The following DCAF1 variants were observed in gnomAD, a reference collection of about 807,000 sequenced individuals.
DCAF1 encodes DDB1- and CUL4-associated factor 1.
DCAF1 carries 15 observed loss-of-function variants against 128.0 expected under a neutral mutation model. That is an observed-to-expected ratio of 0.12 (90% CI 0.08 to 0.18). The LOEUF (loss-of-function observed/expected upper bound fraction) is 0.18. DCAF1 is among the 10% of genes least tolerant of loss of function. The pLI is 1.00. For synonymous variants in DCAF1, 610 were observed against 603.0 expected (o/e 1.01, Z -0.17); for missense variants, 988 against 1,649.5 (o/e 0.60, Z 6.95).
intron 6 of DCAF1, among the ~76,000 whole-genome samples, chr3:51,462,080 AAAAAG>A (rs1259689868): frequency 1.3e-5 from 2 of 151,988 alleles, no homozygotes; most frequent in Admixed American, 6.6e-5. Flanking sequence ...AAATTAAAAA[AAAAAG>A]AAAAGAAAAA....
intron 9 of DCAF1, among the ~76,000 whole-genome samples, chr3:51,435,711 C>CAAA (rs879994512): frequency 2.1e-5 from 3 of 140,796 alleles, no homozygotes; most frequent in Non-Finnish European, 1.5e-5. Context: ...AACTCTGTCT[C>CAAA]AAAAAAAAAA....
chr3:51,499,989 A>AC lies in DCAF1; in HGVS notation c.-173dup. 1 of 147,086 alleles carries AC rather than the reference A, an allele frequency of 6.8e-6. No individual in the cohort carries two copies. The highest frequency in any genetic ancestry group is 1.5e-5 in the Non-Finnish European group (1 of 66,956). The allele number at this position is 147,086 out of a possible 1,614,324, so 9.1% of individuals were successfully genotyped here. A position where few individuals can be genotyped will look rare whatever the true frequency, so the allele number is the denominator to read the frequency against. ...ACTCACACACACACACAGCGCGACC[A>AC]CGGCTCCACAGCGGCCCACATATTA... On this transcript the variant is annotated 5_prime_UTR_variant, in exon 1 of 25. The change abolishes the stop of an existing upstream ORF in the 5' untranslated region. Coordinates refer to ENST00000684031, the MANE Select transcript of DCAF1 (RefSeq NM_001387579.1).
At chr3:51,424,751 T>A (rs1285283092) in intron 13 of DCAF1, among the ~76,000 whole-genome samples, 1 of 152,170 alleles carries the variant, frequency 6.6e-6, no homozygotes, top group Non-Finnish European at 1.5e-5. Flanking sequence ...AAAGATGAAC[T>A]TAGGAAAATA....
In DCAF1 at chr3:51,420,149, C is replaced by A. The variant is rs1553631943; in HGVS notation, c.2821G>T (p.Ala941Ser). The change falls in exon 15 of 25, where the codon GCT (alanine) becomes TCT (serine). Residue 941 changes from alanine to serine, a missense_variant. Physicochemically the swap from Ala to Ser is moderately conservative, Grantham distance 99 (BLOSUM62 1). Coordinates refer to ENST00000684031, the MANE Select transcript of DCAF1 (RefSeq NM_001387579.1). This position sits in a 1 kb window ranked among gnomAD's most constrained non-coding sequence, Gnocchi z 6.5. ...PQPRPPQGPL[A>S]LPGPSYAGNS... ...CCTGCATAAGATGGGCCGGGCAGAGCTAGCGGACCCTGGGGGGGCCGTGGC... is the reference window on the plus strand; with the variant it reads ...CCTGCATAAGATGGGCCGGGCAGAGATAGCGGACCCTGGGGGGGCCGTGGC... 1.2e-6 allele frequency: 2 copies of A among 1,614,022 alleles called. No homozygotes were observed. Among genetic ancestry groups the A allele is most frequent in the African/African-American group, 1.3e-5 (1 of 75,052 alleles).
In DCAF1 at chr3:51,471,004, T is replaced by C; in HGVS notation, c.112A>G (p.Met38Val). 1 of 1,600,054 alleles carries C rather than the reference T, an allele frequency of 6.2e-7. No homozygotes were observed. Among genetic ancestry groups the C allele is most frequent in the Non-Finnish European group, 8.5e-7 (1 of 1,170,924 alleles). The change falls in exon 4 of 25, where the codon ATG becomes GTG. Residue 38 changes from methionine (M) to valine (V), a missense_variant and splice_region_variant. Met to Val is a conservative substitution (Grantham distance 21). Transcript: ENST00000684031. ...GTTTCTTTTTCAATCAATTGAGACA[T>C]CCTAGCACAAAGGAAACAAGGGGTC... ...GQDMVPILTR[M>V]SQLIEKETEE...
intron 15 of DCAF1, 59 bp downstream of exon 15, chr3:51,419,675 T>A: frequency 6.5e-6 from 10 of 1,534,242 alleles, no homozygotes; most frequent in Admixed American, 2.1e-5. Context: ...ACTGCCCAGT[T>A]TGATTTAAAT....
chr3:51,471,989 G>A (rs1408591869), intron 3 of DCAF1, among the ~76,000 whole-genome samples: 1 of 152,014 alleles, frequency 6.6e-6, no homozygotes, highest in Non-Finnish European at 1.5e-5. Context: ...TCCTCATCCA[G>A]ACCACCATCA....
chr3:51,427,315 A>T (rs766565799), intron 13 of DCAF1, 57 bp downstream of exon 13: 14 of 645,036 alleles, frequency 2.2e-5, no homozygotes, highest in Non-Finnish European at 3.4e-5. Context: ...GCAAACCAAC[A>T]TCAACTTTAA....
chr3:51,485,718 A>G (rs368078554), intron 2 of DCAF1, among the ~76,000 whole-genome samples: 86 of 152,346 alleles, frequency 5.6e-4, no homozygotes, highest in African/African-American at 2.0e-3. Flanking sequence ...AGATGATATC[A>G]TTATTGCATT....
At chr3:51,448,951 C>T (rs1490778332) in intron 6 of DCAF1, among the ~76,000 whole-genome samples, 1 of 151,738 alleles carries the variant, frequency 6.6e-6, no homozygotes, top group Non-Finnish European at 1.5e-5. Flanking sequence ...ATATGTTAGG[C>T]CACAAGTCTT....
chr3:51,427,350 T>C (rs782580188), intron 13 of DCAF1, 22 bp downstream of exon 13: 3 of 672,208 alleles, frequency 4.5e-6, no homozygotes, highest in Non-Finnish European at 8.3e-6. Flanking sequence ...AAACTTCATT[T>C]GAAATCTCTC....
intron 2 of DCAF1, among the ~76,000 whole-genome samples, chr3:51,488,430 C>A (rs1707223475): frequency 6.6e-6 from 1 of 152,148 alleles, no homozygotes; most frequent in South Asian, 2.1e-4. Flanking sequence ...GTAATCCCAG[C>A]ACTTTGGGAG....
rs2107347539 is a variant in DCAF1, at chr3:51,420,398, G to A, written c.2572C>T (p.Leu858Phe). The A allele has an allele frequency of 3.7e-6, 6 of 1,614,050 alleles. No homozygotes were observed. Among genetic ancestry groups the A allele is most frequent in the South Asian group, 2.2e-5 (2 of 91,078 alleles). ...KELLLLIRNH[L>F]ISKGLGETAT... is the part of the protein sequence containing the mutation. ...GTTTCTCCAAGCCCTTTAGAAATAA[G>A]ATGGTTTCGTATCAACAAAAGCAGC... The change falls in exon 15 of 25, where the codon CTT becomes TTT. Residue 858 changes from leucine (L) to phenylalanine (F), a missense_variant. Leu to Phe is a conservative substitution (Grantham distance 22). This residue lies in a region of DCAF1 where 76 missense variants were observed against 186.9 expected (regional missense o/e 0.41). Coordinates refer to ENST00000684031, the MANE Select transcript of DCAF1 (RefSeq NM_001387579.1). The surrounding 1 kb of genome is among the most constrained non-coding windows in gnomAD (Gnocchi z 6.5).
chr3:51,468,178 T>C (rs571062178), intron 4 of DCAF1, among the ~76,000 whole-genome samples: 3 of 152,210 alleles, frequency 2.0e-5, no homozygotes, highest in Non-Finnish European at 4.4e-5. Flanking sequence ...TGGTTTGTTG[T>C]TGTTGTGTTC....
At chr3:51,490,324 G>A (rs1367219206) in intron 2 of DCAF1, among the ~76,000 whole-genome samples, 4 of 152,204 alleles carry the variant, frequency 2.6e-5, no homozygotes, top group African/African-American at 4.8e-5. Flanking sequence ...CCAGCTACTC[G>A]GTAGGCTGAG....
Position 51,436,558 on chromosome 3 carries a change from A to C in DCAF1, c.1129-3294T>G, listed in dbSNP as rs150297531. The C allele has an allele frequency of 1.1e-5, 4 of 378,636 alleles. No individual in the cohort carries two copies. In the East Asian group the frequency reaches 2.9e-4, roughly 27 times the overall value. The allele number at this position is 378,636 out of a possible 1,614,324, so 23.5% of individuals were successfully genotyped here. A position where few individuals can be genotyped will look rare whatever the true frequency, so the allele number is the denominator to read the frequency against. ...GATAGACTGTATACCAATAATTTTG[A>C]AATGAGTTCTAGGATGTATTTTTCT... On this transcript the variant is annotated intron_variant, in intron 9 of 24. Coordinates refer to ENST00000684031, the MANE Select transcript of DCAF1 (RefSeq NM_001387579.1).
chr3:51,412,605 T>C (rs1435131397), intron 22 of DCAF1, 125 bp from the exon 23 acceptor site: 8 of 1,460,326 alleles, frequency 5.5e-6, no homozygotes, highest in Non-Finnish European at 7.3e-6. Flanking sequence ...TACCCGAAAT[T>C]CTTGAGCTGA....
chr3:51,437,282 A>AG (rs1448438313), intron 9 of DCAF1: 1 of 389,936 alleles, frequency 2.6e-6, no homozygotes, highest in Non-Finnish European at 4.9e-6. Context: ...AAAAAAAAAA[A>AG]AAAAAAAAGA....
intron 3 of DCAF1, among the ~76,000 whole-genome samples, chr3:51,477,625 G>A (rs1705639554): frequency 6.6e-6 from 1 of 151,860 alleles, no homozygotes; most frequent in Non-Finnish European, 1.5e-5. Context: ...AAACAACACC[G>A]GAATTGGAGT....
Sources: allele counts gnomAD v4.1 joint callset (sites outside exome capture counted in the v4.1 genomes callset), GRCh38; gene constraint gnomAD v4.1.1; regional missense constraint gnomAD v4.1.1; non-coding constraint Gnocchi (gnomAD v3.1); transcripts MANE v1.5; gene names NCBI Gene and HGNC (gene_info 2026-07-23, HGNC 2026-07-21).